Variants in ABCC2 observed in about 807,000 individuals in gnomAD.
ABCC2 encodes ATP binding cassette subfamily C member 2, also known as ATP-binding cassette sub-family C member 2.
A neutral mutation model predicts 173.4 loss-of-function variants in ABCC2; 157 were observed. The ratio of observed to expected loss-of-function variants is 0.91; its 90% CI spans 0.80 to 1.03. The LOEUF (loss-of-function observed/expected upper bound fraction) is 1.03, where lower values mean the gene tolerates loss of function less well. Among genes scored for constraint, ABCC2 ranks in the 50% least tolerant of loss-of-function variants. The probability of loss-of-function intolerance (pLI) is 0.00; values close to 1 mark genes in which losing one functional copy is unlikely to be tolerated. For synonymous variants in ABCC2, 657 were observed against 693.5 expected (o/e 0.95, Z 0.83); for missense variants, 1,822 against 1,852.3 (o/e 0.98, Z 0.30).
intron 30 of ABCC2, among the ~76,000 whole-genome samples, chr10:99,849,824 C>T (rs1387157910): frequency 6.6e-6 from 1 of 152,200 alleles, no homozygotes; most frequent in Non-Finnish European, 1.5e-5. Flanking sequence ...AATATGTTCC[C>T]TAATGGCCAC....
chr10:99,849,239 A>G (rs984835851), intron 30 of ABCC2, among the ~76,000 whole-genome samples: 1 of 152,212 alleles, frequency 6.6e-6, no homozygotes, highest in Non-Finnish European at 1.5e-5. Flanking sequence ...TCGAAAATAT[A>G]TGTACACCTA....
Position 99,810,192 on chromosome 10 carries a change from C to T in ABCC2, c.1874C>T (p.Ser625Phe). 1 of 1,613,570 alleles carries T rather than the reference C, an allele frequency of 6.2e-7. No homozygotes were observed. The highest frequency in any genetic ancestry group is 1.1e-5 in the South Asian group (1 of 91,080). Reference protein sequence around the residue: ...KYLGGDDLDTSAIRHDCNFDK... With the variant: ...KYLGGDDLDTFAIRHDCNFDK... ...TTGGGAGGGGATGACTTGGACACAT[C>T]TGCCATTCGACATGACTGCAATTTT... Residue 625 changes from serine to phenylalanine, a missense_variant, in exon 14 of 32, where the codon TCT (serine) becomes TTT (phenylalanine). Coordinates refer to ENST00000647814, the MANE Select transcript of ABCC2 (RefSeq NM_000392.5).
chr10:99,799,448 G>C, intron 8 of ABCC2, 78 bp downstream of exon 8: 3 of 1,516,072 alleles, frequency 2.0e-6, no homozygotes, highest in South Asian at 2.3e-5. Context: ...ATGCAAGCAG[G>C]AGCTTTTCTT....
At chr10:99,831,484 C>T (rs2038737149) in intron 21 of ABCC2, 127 bp from the exon 22 acceptor site, 4 of 844,852 alleles carry the variant, frequency 4.7e-6, no homozygotes, top group South Asian at 4.1e-5. Context: ...CCACAGACTA[C>T]CAAATTTTGC....
intron 2 of ABCC2, among the ~76,000 whole-genome samples, chr10:99,790,077 T>C (rs2037787638): frequency 6.6e-6 from 1 of 152,240 alleles, no homozygotes; most frequent in Non-Finnish European, 1.5e-5. Flanking sequence ...CAGCTTTGTA[T>C]ATACTTGTGT....
intron 23 of ABCC2, among the ~76,000 whole-genome samples, chr10:99,833,761 C>T (rs976649852): frequency 1.3e-5 from 2 of 152,214 alleles, no homozygotes; most frequent in Non-Finnish European, 2.9e-5. Context: ...AACTTAAACT[C>T]ACTTTGGTAC....
intron 16 of ABCC2, among the ~76,000 whole-genome samples, chr10:99,813,709 CA>C (rs60992748): frequency 9.9e-4 from 134 of 135,266 alleles, no homozygotes; most frequent in African/African-American, 1.7e-3. Context: ...GACTCTGTCT[CA>C]AAAAAAAAAA....
In ABCC2 at chr10:99,794,488, G is replaced by A. The variant is rs2037862423; in HGVS notation, c.632+20G>A. On this transcript the variant is annotated intron_variant, in intron 6 of 31. Transcript: ENST00000647814. ...TGACAGGTAGGAAAGCCTGGAGTAT[G>A]GATTGGCTGTATCCTTACTCTCTCA... 6.2e-7 allele frequency: 1 copy of A among 1,602,186 alleles called. No individual in the cohort carries two copies. Among genetic ancestry groups the A allele is most frequent in the African/African-American group, 1.3e-5 (1 of 74,566 alleles).
At position 99,814,122 on chromosome 10, in the gene ABCC2, C is replaced by CATATATAT. The variant is rs1197250672; in HGVS notation, c.2094+979_2094+980insTATATATA. ...ATATACACACATATGTGTATATACA[C>CATATATAT]ACATATGTGTGTATATATACACACA... On this transcript the variant is annotated intron_variant, in intron 16 of 31. Coordinates refer to ENST00000647814, the MANE Select transcript of ABCC2 (RefSeq NM_000392.5). Among the ~76,000 whole-genome samples the CATATATAT allele has an allele frequency of 2.4e-4, 32 of 135,892 alleles. 10 individuals are homozygous for CATATATAT. The highest frequency in any genetic ancestry group is 8.5e-4 in the African/African-American group (31 of 36,638). The allele number at this position is 135,892 out of a possible 152,430, so 89.2% of individuals were successfully genotyped here.
intron 30 of ABCC2, among the ~76,000 whole-genome samples, chr10:99,849,844 G>A (rs1254730529): frequency 2.0e-5 from 3 of 152,220 alleles, no homozygotes; most frequent in African/African-American, 7.2e-5. Flanking sequence ...CAGCAGGAAA[G>A]AGCAATTAGC....
At chr10:99,802,121 T>C (rs1485214212) in intron 9 of ABCC2, among the ~76,000 whole-genome samples, 1 of 149,792 alleles carries the variant, frequency 6.7e-6, no homozygotes, top group Non-Finnish European at 1.5e-5. Context: ...TTCGCACTAT[T>C]TTGGTTCTTA....
At chr10:99,841,818 A>T in intron 25 of ABCC2, 149 bp from the exon 26 acceptor site, 2 of 958,510 alleles carry the variant, frequency 2.1e-6, no homozygotes, top group Non-Finnish European at 3.3e-6. Context: ...TTAGGAATAC[A>T]TGGTGTTTCT....
At chr10:99,804,603 G>A (rs1358255331) in intron 10 of ABCC2, among the ~76,000 whole-genome samples, 3 of 152,014 alleles carry the variant, frequency 2.0e-5, no homozygotes, top group Non-Finnish European at 4.4e-5. Context: ...CTCCATTATG[G>A]CAATCTAAAC....
At position 99,844,398 on chromosome 10, in the gene ABCC2, T is replaced by C. The variant is rs1369507770; in HGVS notation, c.3920T>C (p.Val1307Ala). ...AAGATCCAGTTTAACAACTACCAAG[T>C]GCGGTACCGACCTGAGCTGGATCTG... ...KGKIQFNNYQVRYRPELDLVL... is the reference protein window; with the variant it reads ...KGKIQFNNYQARYRPELDLVL... The change falls in exon 28 of 32, where the codon GTG becomes GCG. Residue 1307 changes from valine to alanine, a missense_variant. By Grantham distance (64) the Val-to-Ala change is moderately conservative (BLOSUM62 0). Coordinates refer to ENST00000647814, the MANE Select transcript of ABCC2 (RefSeq NM_000392.5). The C allele has an allele frequency of 6.2e-7, 1 of 1,614,212 alleles. No homozygotes were observed. Among genetic ancestry groups the C allele is most frequent in the South Asian group, 1.1e-5 (1 of 91,082 alleles).
intron 6 of ABCC2, 54 bp from the exon 7 acceptor site, chr10:99,797,043 G>A (rs2132988321): frequency 1.3e-6 from 2 of 1,510,872 alleles, no homozygotes; most frequent in South Asian, 2.3e-5. Context: ...AAGTGGTGGA[G>A]ATAGCCTCTG....
chr10:99,827,748 T>A (rs1172718494), intron 19 of ABCC2, among the ~76,000 whole-genome samples: 1 of 151,188 alleles, frequency 6.6e-6, no homozygotes, highest in Admixed American at 6.6e-5. Context: ...CCCCTCTTTT[T>A]AAAAGAATTT....
In ABCC2 at chr10:99,813,085, T is replaced by A; in HGVS notation, c.2035T>A (p.Ser679Thr). 6.2e-7 allele frequency: 1 copy of A among 1,614,090 alleles called. No individual in the cohort carries two copies. Among genetic ancestry groups the A allele is most frequent in the Non-Finnish European group, 8.5e-7 (1 of 1,179,944 alleles). Residue 679 changes from serine to threonine, a missense_variant, in exon 16 of 32, where the codon TCC (serine) becomes ACC (threonine). By Grantham distance (58) the Ser-to-Thr change is moderately conservative. Transcript: ENST00000647814. ...AGGCCCTGTCGGCTCTGGGAAATCC[T>A]CCTTGATATCAGCCATGCTGGGAGA... is the stretch of plus-strand genomic sequence containing the variant. ...VIGPVGSGKS[S>T]LISAMLGEME...
chr10:99,807,969 G>T, intron 12 of ABCC2, 114 bp from the exon 13 acceptor site: 2 of 1,286,138 alleles, frequency 1.6e-6, no homozygotes. Flanking sequence ...AACATGGGGA[G>T]GCTGGATGAT....
chr10:99,812,903 A>G lies in ABCC2; in HGVS notation c.1968-115A>G, dbSNP rs986379817. On this transcript the variant is annotated intron_variant, in intron 15 of 31. Coordinates refer to ENST00000647814, the MANE Select transcript of ABCC2 (RefSeq NM_000392.5). Reference sequence around the variant, plus strand: ...TTGTATATCCAAGGCAAATTTTCCAATCTTGAGGGGAAATCTCCTGATACC... The same window carrying G: ...TTGTATATCCAAGGCAAATTTTCCAGTCTTGAGGGGAAATCTCCTGATACC... 6.3e-6 allele frequency: 9 copies of G among 1,432,476 alleles called. No individual in the cohort carries two copies. The East Asian group carries it at 1.4e-4, about 22-fold the overall frequency. The allele number at this position is 1,432,476 out of a possible 1,614,324, so 88.7% of individuals were successfully genotyped here. A position where few individuals can be genotyped will look rare whatever the true frequency, so the allele number is the denominator to read the frequency against.
Sources: gnomAD v4.1 joint callset for allele counts (sites outside exome capture counted in the v4.1 genomes callset) on GRCh38, gnomAD v4.1.1 for gene constraint, MANE v1.5 for transcripts, NCBI Gene and HGNC (gene_info 2026-07-23, HGNC 2026-07-21) for gene names.